DYRK1A: variants seen among roughly 807,000 people sequenced by gnomAD.
DYRK1A encodes the protein dual specificity tyrosine-phosphorylation-regulated kinase 1A.
Under a neutral mutation model 79.7 loss-of-function variants are expected in DYRK1A, and 9 were observed. The observed-to-expected ratio is 0.11, with a 90% CI of 0.07 to 0.20. The LOEUF (loss-of-function observed/expected upper bound fraction) is 0.20, where lower values mean the gene tolerates loss of function less well. DYRK1A is among the 10% of genes least tolerant of loss of function. DYRK1A has a pLI of 1.00. For synonymous variants in DYRK1A, 349 were observed against 329.7 expected, an observed-to-expected ratio of 1.06 and a Z score of -0.63; for missense variants, 622 against 956.0, an observed-to-expected ratio of 0.65 and a Z score of 4.61.
intron 3 of DYRK1A, 75 bp from the exon 4 acceptor site, chr21:37,478,133 G>T: frequency 6.3e-7 from 1 of 1,591,944 alleles, no homozygotes; most frequent in East Asian, 2.3e-5. Context: ...ACAGAAGAGG[G>T]AATTTATATC....
intron 2 of DYRK1A, among the ~76,000 whole-genome samples, chr21:37,466,986 A>G (rs2052047345): frequency 6.6e-6 from 1 of 152,062 alleles, no homozygotes; most frequent in African/African-American, 2.4e-5. Flanking sequence ...AAGTTATACT[A>G]TTAGAAAACT....
intron 9 of DYRK1A, chr21:37,502,367 G>A (rs2053475763): frequency 6.6e-6 from 1 of 151,918 alleles, no homozygotes; most frequent in Admixed American, 6.6e-5. Context: ...GAGGTTTGTT[G>A]AATACTTTTT....
Position 37,512,559 on chromosome 21 carries a change from G to T in DYRK1A, c.*28G>T, listed in dbSNP as rs569387073. 1.3e-6 allele frequency: 2 copies of T among 1,596,958 alleles called. No individual in the cohort carries two copies. Among genetic ancestry groups the T allele is most frequent in the East Asian group, 2.2e-5 (1 of 44,568 alleles). On this transcript the variant is annotated 3_prime_UTR_variant, in exon 12 of 12. Coordinates refer to ENST00000647188, the MANE Select transcript of DYRK1A (RefSeq NM_001347721.2). ...ACATTGAAACTTGAGTTTGTTTCTT[G>T]TGTGTTTTTATAGAAGTGGTGTTTT... is the stretch of plus-strand genomic sequence containing the variant.
intron 2 of DYRK1A, among the ~76,000 whole-genome samples, chr21:37,450,456 G>A (rs1381314954): frequency 6.6e-6 from 1 of 152,214 alleles, no homozygotes; most frequent in African/African-American, 2.4e-5. Flanking sequence ...TCTGTAAAGT[G>A]AGGTGGGGGA....
chr21:37,471,217 A>G (rs2052211530), intron 2 of DYRK1A, among the ~76,000 whole-genome samples: 2 of 152,204 alleles, frequency 1.3e-5, no homozygotes, highest in South Asian at 2.1e-4. Flanking sequence ...TGTAGATGAA[A>G]AGGTTGTGTT....
chr21:37,491,540 G>T (rs990795650), intron 7 of DYRK1A, among the ~76,000 whole-genome samples: 2 of 152,032 alleles, frequency 1.3e-5, no homozygotes, highest in Non-Finnish European at 2.9e-5. Flanking sequence ...TTAATCATAA[G>T]GATTTATAGC....
Position 37,472,835 on chromosome 21 carries a change from T to G in DYRK1A, c.162T>G (p.Ser54=). Residue 54 remains serine (S), a synonymous_variant, in exon 3 of 12, where the codon TCT becomes TCG. Coordinates refer to ENST00000647188, the MANE Select transcript of DYRK1A (RefSeq NM_001347721.2). ...CAAACATAAGTGACCAACAGGTTTC[T>G]GCCTTATCATATTCTGACCAGATTC... is the stretch of plus-strand genomic sequence containing the variant. The part of the protein sequence containing the change: ...RQPNISDQQV[S]ALSYSDQIQQ... 6.2e-7 allele frequency: 1 copy of G among 1,607,428 alleles called. No individual in the cohort carries two copies.
intron 2 of DYRK1A, among the ~76,000 whole-genome samples, chr21:37,470,022 T>A (rs1425058208): frequency 2.0e-5 from 3 of 152,136 alleles, no homozygotes; most frequent in Non-Finnish European, 4.4e-5. Flanking sequence ...TGGGCACCTG[T>A]AGTCCCAGCT....
chr21:37,476,752 A>C (rs930285140), intron 3 of DYRK1A, among the ~76,000 whole-genome samples: 2 of 138,816 alleles, frequency 1.4e-5, no homozygotes, highest in Non-Finnish European at 3.3e-5. Flanking sequence ...TATTTGAAAA[A>C]TTAAATCAGA....
chr21:37,498,556 T>C (rs1361079340), intron 9 of DYRK1A, among the ~76,000 whole-genome samples: 1 of 152,240 alleles, frequency 6.6e-6, no homozygotes, highest in Non-Finnish European at 1.5e-5. Flanking sequence ...CTTCAACATA[T>C]TTCATTGAAT....
intron 4 of DYRK1A, among the ~76,000 whole-genome samples, chr21:37,479,888 A>G (rs922949835): frequency 1.3e-5 from 2 of 151,856 alleles, no homozygotes; most frequent in African/African-American, 4.8e-5. Context: ...CGGCCTCCCA[A>G]AGTGCTGGGA....
chr21:37,374,013 ATAAG>A (rs1358310823), intron 1 of DYRK1A, among the ~76,000 whole-genome samples: 7 of 152,238 alleles, frequency 4.6e-5, no homozygotes, highest in South Asian at 2.1e-4. Flanking sequence ...TATGCAAAAT[ATAAG>A]TAAGTGGTCA....
intron 3 of DYRK1A, among the ~76,000 whole-genome samples, chr21:37,473,350 A>G (rs1174757970): frequency 6.6e-6 from 1 of 152,202 alleles, no homozygotes; most frequent in African/African-American, 2.4e-5. Context: ...TATTTATTCT[A>G]ATATTCAGAC....
chr21:37,501,166 G>GTTTTTTTTTTTTTGTTTTT (rs2053434623), intron 9 of DYRK1A, among the ~76,000 whole-genome samples: 3 of 93,996 alleles, frequency 3.2e-5, no homozygotes, highest in Admixed American at 1.1e-4. Context: ...GTTGTTGTTG[G>GTTTTTTTTTTTTTGTTTTT]TTTTTTTTTT....
In DYRK1A at chr21:37,519,455, A is replaced by G. The variant is rs1232628157; in HGVS notation, c.*6924A>G. The G allele has an allele frequency of 3.3e-5, 5 of 152,264 alleles. No homozygotes were observed. Among genetic ancestry groups the G allele is most frequent in the Admixed American group, 3.3e-4 (5 of 15,288 alleles). 9.4% of individuals were successfully genotyped at this position (152,264 alleles called of 1,614,324 possible). ...CCTCAGTGAGGTAATGTCCGCAGAA[A>G]GCACAATGCCTAGTATGTAGAAAGT... On this transcript the variant is annotated 3_prime_UTR_variant, in exon 12 of 12. Coordinates refer to ENST00000647188, the MANE Select transcript of DYRK1A (RefSeq NM_001347721.2).
intron 1 of DYRK1A, among the ~76,000 whole-genome samples, chr21:37,409,839 TC>T (rs2050212050): frequency 6.6e-6 from 1 of 152,228 alleles, no homozygotes; most frequent in East Asian, 1.9e-4. Context: ...TGGTATAACT[TC>T]CCCCCTCATG....
chr21:37,368,426 A>G (rs942777302), intron 1 of DYRK1A, among the ~76,000 whole-genome samples: 2 of 152,210 alleles, frequency 1.3e-5, no homozygotes, highest in Admixed American at 6.5e-5. Context: ...CTAATCTGAA[A>G]TAGTTAAAAA....
chr21:37,471,818 G>C (rs1425016473), intron 2 of DYRK1A, among the ~76,000 whole-genome samples: 1 of 152,126 alleles, frequency 6.6e-6, no homozygotes, highest in African/African-American at 2.4e-5. Flanking sequence ...TCATTCAGGA[G>C]GACAGGCACA....
intron 1 of DYRK1A, among the ~76,000 whole-genome samples, chr21:37,393,171 T>G (rs2049902027): frequency 6.6e-6 from 1 of 152,238 alleles, no homozygotes; most frequent in Non-Finnish European, 1.5e-5. Context: ...CTCTTTCTGG[T>G]ATCCAGGATG....
Sources: allele counts gnomAD v4.1 joint callset (sites outside exome capture counted in the v4.1 genomes callset), GRCh38; gene constraint gnomAD v4.1.1; transcripts MANE v1.5; gene names NCBI Gene and HGNC (gene_info 2026-07-23, HGNC 2026-07-21).